ICE2: variants seen among roughly 807,000 people sequenced by gnomAD.
ICE2 encodes the protein little elongation complex subunit 2.
Under a neutral mutation model 105.4 loss-of-function variants are expected in ICE2, and 87 were observed. The observed-to-expected ratio is 0.83, with a 90% CI of 0.69 to 0.99. The LOEUF is 0.99. Among genes scored for constraint, ICE2 ranks in the 50% least tolerant of loss-of-function variants. ICE2 has a pLI of 0.00. For missense variants in ICE2, 1,323 were observed against 1,146.7 expected, an observed-to-expected ratio of 1.15 and a Z score of -2.22; for synonymous variants, 399 against 392.0, an observed-to-expected ratio of 1.02 and a Z score of -0.21.
intron 3 of ICE2, among the ~76,000 whole-genome samples, chr15:60,469,331 C>A (rs2064518762): frequency 6.6e-6 from 1 of 152,014 alleles, no homozygotes; most frequent in Non-Finnish European, 1.5e-5. Context: ...GGAAAAATAG[C>A]TAATGCATGC....
chr15:60,424,538 G>C (rs906706489), intron 15 of ICE2, among the ~76,000 whole-genome samples: 10 of 144,934 alleles, frequency 6.9e-5, no homozygotes, highest in Admixed American at 4.9e-4. Flanking sequence ...ACAGAGTCTC[G>C]CTCTGTCACC....
At chr15:60,456,973 A>C (rs16942577) in intron 5 of ICE2, among the ~76,000 whole-genome samples, 179 bp from the exon 6 acceptor site, 2,948 of 152,244 alleles carry the variant, frequency 0.019, 96 homozygotes, top group African/African-American at 0.068. Flanking sequence ...CCAGTTACTT[A>C]CAATATTGAT....
chr15:60,451,053 G>A, intron 9 of ICE2: 1 of 480,072 alleles, frequency 2.1e-6, no homozygotes, highest in Middle Eastern at 1.1e-3. Flanking sequence ...ATAGAAAAGG[G>A]AGAAATGCTA....
chr15:60,436,108 T>A, intron 13 of ICE2, 35 bp downstream of exon 13: 1 of 866,870 alleles, frequency 1.2e-6, no homozygotes, highest in African/African-American at 1.8e-5. Flanking sequence ...CATTAACAAA[T>A]TTTTCAATTC....
intron 4 of ICE2, 144 bp downstream of exon 4, chr15:60,467,917 T>TGAG (rs2064474929): frequency 1.4e-6 from 1 of 690,760 alleles, no homozygotes; most frequent in East Asian, 3.0e-5. Context: ...ACAAAAGAAT[T>TGAG]AAAGCACCAT....
intron 15 of ICE2, among the ~76,000 whole-genome samples, chr15:60,426,975 A>G (rs1448183826): frequency 6.6e-6 from 1 of 152,212 alleles, no homozygotes; most frequent in Non-Finnish European, 1.5e-5. Context: ...AACTGAAGAT[A>G]AAATAGCTTA....
At chr15:60,459,646 G>A (rs890306506) in intron 5 of ICE2, among the ~76,000 whole-genome samples, 17 of 152,016 alleles carry the variant, frequency 1.1e-4, no homozygotes, top group African/African-American at 3.9e-4. Flanking sequence ...CAATAATGTG[G>A]GTAAGTTTAA....
chr15:60,464,491 GAACA>G (rs1173133661), intron 5 of ICE2, among the ~76,000 whole-genome samples: 1 of 152,158 alleles, frequency 6.6e-6, no homozygotes, highest in Non-Finnish European at 1.5e-5. Context: ...GGTGACATCT[GAACA>G]GACAGAGACC....
chr15:60,457,045 A>G (rs533803245), intron 5 of ICE2, among the ~76,000 whole-genome samples: 1 of 152,240 alleles, frequency 6.6e-6, no homozygotes, highest in South Asian at 2.1e-4. Flanking sequence ...CATATTTTCC[A>G]TGTCATTTAA....
At chr15:60,427,830 T>A (rs1050674612) in intron 15 of ICE2, among the ~76,000 whole-genome samples, 4 of 152,236 alleles carry the variant, frequency 2.6e-5, no homozygotes, top group African/African-American at 9.7e-5. Flanking sequence ...CTTCAGATAA[T>A]GTCATTCAAC....
At chr15:60,468,453 C>T in intron 3 of ICE2, 131 bp from the exon 4 acceptor site, 3 of 667,794 alleles carry the variant, frequency 4.5e-6, no homozygotes, top group Non-Finnish European at 7.5e-6. Flanking sequence ...TATTATCTAA[C>T]TCTGCCACCT....
At chr15:60,435,630 A>T (rs2063569115) in intron 13 of ICE2, among the ~76,000 whole-genome samples, 1 of 151,610 alleles carries the variant, frequency 6.6e-6, no homozygotes, top group South Asian at 2.1e-4. Context: ...CATGTACCCC[A>T]AAATACGTAT....
intron 9 of ICE2, 42 bp from the exon 10 acceptor site, chr15:60,449,883 G>A (rs1566987920): frequency 1.4e-6 from 2 of 1,451,868 alleles, no homozygotes; most frequent in South Asian, 1.3e-5. Context: ...AAAATTTCAA[G>A]CCACCCTACC....
intron 11 of ICE2, among the ~76,000 whole-genome samples, chr15:60,446,743 T>A (rs1273737857): frequency 4.6e-5 from 7 of 152,090 alleles, no homozygotes. Flanking sequence ...TCCACAATGA[T>A]CAATAGTAGA....
Position 60,448,070 on chromosome 15 carries a change from T to A in ICE2, c.2195A>T (p.Tyr732Phe). ...YLAPQEGNFV[Y>F]KLFSLQDLLL... ...CAGGTCTTGCAGGCTAAATAACTTATAAACAAAATTTCCTTCCTGAGGAGC... is the reference window on the plus strand; with the variant it reads ...CAGGTCTTGCAGGCTAAATAACTTAAAAACAAAATTTCCTTCCTGAGGAGC... Residue 732 changes from tyrosine to phenylalanine, a missense_variant, in exon 11 of 16, where the codon TAT becomes TTT. By Grantham distance (22) the Tyr-to-Phe change is conservative (BLOSUM62 3). Transcript: ENST00000261520. 5.0e-6 allele frequency: 8 copies of A among 1,613,692 alleles called. No individual in the cohort carries two copies. The highest frequency in any genetic ancestry group is 6.8e-6 in the Non-Finnish European group (8 of 1,179,622).
rs1270334111 is a variant in ICE2 at position 60,436,201 on chromosome 15, G to C, written c.2452C>G (p.Leu818Val). The C allele has an allele frequency of 1.4e-6, 2 of 1,446,438 alleles. No individual in the cohort carries two copies. The highest frequency in any genetic ancestry group is 1.5e-5 in the African/African-American group (1 of 67,996). 89.6% of individuals were successfully genotyped at this position (1,446,438 alleles called of 1,614,324 possible). The change falls in exon 13 of 16, where the codon CTT (leucine) becomes GTT (valine). Residue 818 changes from leucine (L) to valine (V), a missense_variant. Transcript: ENST00000261520. ...GAGGTAATTTCTTCCAGTAGAAAAA[G>C]TTTTGAAGTAAATGCATCGATATGC... ...VGHIDAFTSKLFLLEEITSEE... is the reference protein window; with the variant it reads ...VGHIDAFTSKVFLLEEITSEE...
chr15:60,445,746 C>T, intron 11 of ICE2: 1 of 985,284 alleles, frequency 1.0e-6, no homozygotes, highest in Non-Finnish European at 1.2e-6. Context: ...CTAGGCTATT[C>T]TTACTTAAGA....
chr15:60,453,818 G>C (rs964349454), intron 8 of ICE2, 34 bp from the exon 9 acceptor site: 1 of 1,469,786 alleles, frequency 6.8e-7, no homozygotes, highest in Non-Finnish European at 9.4e-7. Context: ...GAGGTGATTA[G>C]TATCTAATTG....
chr15:60,451,636 A>G (rs1566989443), intron 9 of ICE2: 1 of 984,448 alleles, frequency 1.0e-6, no homozygotes, highest in Non-Finnish European at 1.2e-6. Flanking sequence ...AATCCAGAAA[A>G]AGCATTTTAC....
Sources: allele counts gnomAD v4.1 joint callset (sites outside exome capture counted in the v4.1 genomes callset), GRCh38; gene constraint gnomAD v4.1.1; transcripts MANE v1.5; gene names NCBI Gene and HGNC (gene_info 2026-07-23, HGNC 2026-07-21).